HPSE2: variants seen among roughly 807,000 people sequenced by gnomAD.
The protein encoded by HPSE2 is inactive heparanase-2.
Under a neutral mutation model 60.5 loss-of-function variants are expected in HPSE2, and 38 were observed. That is an observed-to-expected ratio of 0.63 (90% CI 0.48 to 0.82). The LOEUF (loss-of-function observed/expected upper bound fraction) is 0.82. Among genes scored for constraint, HPSE2 ranks in the 40% least tolerant of loss-of-function variants. The pLI is 0.00. For missense variants in HPSE2, 713 were observed against 740.4 expected, an observed-to-expected ratio of 0.96 and a Z score of 0.43; for synonymous variants, 295 against 293.2, an observed-to-expected ratio of 1.01 and a Z score of -0.06.
At chr10:99,205,907 A>C (rs762361428) in intron 2 of HPSE2, among the ~76,000 whole-genome samples, 2 of 152,232 alleles carry the variant, frequency 1.3e-5, no homozygotes, top group Non-Finnish European at 2.9e-5. Flanking sequence ...GGCAGTAAAA[A>C]GTGATCTCTT....
intron 3 of HPSE2, among the ~76,000 whole-genome samples, chr10:98,994,248 C>G (rs1054349662): frequency 8.5e-5 from 13 of 152,164 alleles, no homozygotes; most frequent in African/African-American, 3.1e-4. Context: ...GGAGAAGAAG[C>G]TGTGGGGACT....
chr10:98,621,785 G>C (rs1292701727), intron 7 of HPSE2, among the ~76,000 whole-genome samples: 17 of 152,182 alleles, frequency 1.1e-4, no homozygotes, highest in Admixed American at 1.1e-3. Context: ...CAGATTCTCT[G>C]AGTGTTCCTC....
chr10:98,671,420 T>A (rs1947503619), intron 6 of HPSE2, among the ~76,000 whole-genome samples: 1 of 152,206 alleles, frequency 6.6e-6, no homozygotes, highest in African/African-American at 2.4e-5. Context: ...TTTGTATTAC[T>A]CACATAGTTT....
chr10:99,263,441 C>T, the HPSE2 span, among the ~76,000 whole-genome samples: 1 of 152,318 alleles, frequency 6.6e-6, no homozygotes, highest in African/African-American at 2.4e-5. Flanking sequence ...GGTTTCCTCG[C>T]TACGCAAGGG....
intron 8 of HPSE2, among the ~76,000 whole-genome samples, chr10:98,617,505 C>T (rs77680672): frequency 0.018 from 2,719 of 152,258 alleles, 108 homozygotes; most frequent in African/African-American, 0.063. Context: ...TCCCTGCAAA[C>T]CTACATCCCT....
intron 7 of HPSE2, among the ~76,000 whole-genome samples, chr10:98,628,419 T>G (rs1287087160): frequency 6.6e-6 from 1 of 152,112 alleles, no homozygotes; most frequent in Non-Finnish European, 1.5e-5. Flanking sequence ...TAAACATGAT[T>G]CTCCCTGTGC....
At chr10:98,614,338 G>T (rs183287294) in intron 9 of HPSE2, among the ~76,000 whole-genome samples, 11 of 151,622 alleles carry the variant, frequency 7.3e-5, no homozygotes, top group African/African-American at 2.7e-4. Flanking sequence ...AGTCGCCCAG[G>T]CTGGAGTGCA....
At chr10:98,909,007 C>T (rs1305910866) in intron 3 of HPSE2, among the ~76,000 whole-genome samples, 1 of 152,112 alleles carries the variant, frequency 6.6e-6, no homozygotes, top group Non-Finnish European at 1.5e-5. Context: ...AACTCCAGGC[C>T]CGAATCTATG....
intron 9 of HPSE2, among the ~76,000 whole-genome samples, chr10:98,527,073 C>A (rs186208313): frequency 2.0e-4 from 30 of 152,180 alleles, no homozygotes; most frequent in Middle Eastern, 6.8e-3. Flanking sequence ...CTTAACCTTA[C>A]CCCTTCCTAG....
intron 2 of HPSE2, among the ~76,000 whole-genome samples, chr10:99,217,641 T>A (rs10883297): frequency 1.3e-5 from 2 of 151,672 alleles, no homozygotes; most frequent in African/African-American, 2.4e-5. Flanking sequence ...TCATCCAGGC[T>A]GGAGTGCAGT....
the HPSE2 span, among the ~76,000 whole-genome samples, chr10:99,283,324 T>C: frequency 1.4e-5 from 2 of 144,752 alleles, no homozygotes; most frequent in South Asian, 2.2e-4. Flanking sequence ...TAGAGATACA[T>C]AAAATAGAGA....
the HPSE2 span, among the ~76,000 whole-genome samples, chr10:99,308,115 C>T: frequency 3.3e-5 from 5 of 151,910 alleles, no homozygotes; most frequent in East Asian, 1.9e-4. Flanking sequence ...CGGCCAGGTG[C>T]GGTGGCTCAT....
chr10:98,584,578 T>C (rs2133928925), intron 9 of HPSE2, among the ~76,000 whole-genome samples: 1 of 152,308 alleles, frequency 6.6e-6, no homozygotes, highest in South Asian at 2.1e-4. Context: ...TTTGAACTCC[T>C]CACCTCAAAA....
At chr10:98,474,706 G>A (rs1408377862) in intron 11 of HPSE2, among the ~76,000 whole-genome samples, 1 of 152,192 alleles carries the variant, frequency 6.6e-6, no homozygotes, top group Non-Finnish European at 1.5e-5. Flanking sequence ...GTTCATAGGA[G>A]CCTTGAGATT....
the HPSE2 span, among the ~76,000 whole-genome samples, chr10:99,288,723 G>A: frequency 2.0e-5 from 2 of 98,688 alleles, no homozygotes; most frequent in Non-Finnish European, 3.9e-5. Flanking sequence ...AGACATGAAA[G>A]AGCTGCAAGA....
At position 98,785,621 on chromosome 10, in the gene HPSE2, G is replaced by T. The variant is rs1339850546; in HGVS notation, c.611-41565C>A. Among the ~76,000 whole-genome samples, 32 of 146,054 alleles carry T rather than the reference G, an allele frequency of 2.2e-4. No homozygotes were observed. In the East Asian group the frequency reaches 2.9e-3, roughly 13 times the overall value. On this transcript the variant is annotated intron_variant, in intron 3 of 11. Coordinates refer to ENST00000370552, the MANE Select transcript of HPSE2 (RefSeq NM_021828.5). ...TATTGATTATTGCCACAATTTCAGAGCCTGTTATTGGTCTATTCAGAGAGT... is the reference window on the plus strand; with the variant it reads ...TATTGATTATTGCCACAATTTCAGATCCTGTTATTGGTCTATTCAGAGAGT...
intron 2 of HPSE2, among the ~76,000 whole-genome samples, chr10:99,172,013 A>C (rs1847329867): frequency 6.6e-6 from 1 of 152,226 alleles, no homozygotes; most frequent in South Asian, 2.1e-4. Flanking sequence ...ATAAAGATTT[A>C]GGTATCATAA....
intron 3 of HPSE2, among the ~76,000 whole-genome samples, chr10:98,865,175 C>A (rs1218879275): frequency 6.6e-6 from 1 of 152,018 alleles, no homozygotes; most frequent in African/African-American, 2.4e-5. Context: ...GAGAACCTTT[C>A]TTCCCAACCA....
chr10:98,920,235 G>A (rs1954243550), intron 3 of HPSE2, among the ~76,000 whole-genome samples: 1 of 152,142 alleles, frequency 6.6e-6, no homozygotes, highest in Non-Finnish European at 1.5e-5. Flanking sequence ...TCCCAGCCTG[G>A]CCAAGACTTT....
Sources: allele counts gnomAD v4.1 joint callset (sites outside exome capture counted in the v4.1 genomes callset), GRCh38; gene constraint gnomAD v4.1.1; transcripts MANE v1.5; gene names NCBI Gene and HGNC (gene_info 2026-07-23, HGNC 2026-07-21).